CCSER1: variants seen among roughly 807,000 people sequenced by gnomAD.
The protein encoded by CCSER1 is coiled-coil serine rich protein 1.
CCSER1 carries 41 observed loss-of-function variants against 82.0 expected under a neutral mutation model. That is an observed-to-expected ratio of 0.50 (90% CI 0.39 to 0.65). The LOEUF (loss-of-function observed/expected upper bound fraction) is 0.65, where lower values mean the gene tolerates loss of function less well. CCSER1 is among the 30% of genes least tolerant of loss of function. The pLI is 0.00. For missense variants in CCSER1, 1,119 were observed against 1,064.2 expected, an observed-to-expected ratio of 1.05 and a Z score of -0.72; for synonymous variants, 414 against 383.9, an observed-to-expected ratio of 1.08 and a Z score of -0.92.
intron 3 of CCSER1, among the ~76,000 whole-genome samples, chr4:90,363,904 A>G (rs1384448652): frequency 1.3e-5 from 2 of 152,158 alleles, no homozygotes; most frequent in Admixed American, 1.3e-4. Context: ...TCTGTAATGT[A>G]AAGTGAATAT....
intron 10 of CCSER1, among the ~76,000 whole-genome samples, chr4:91,416,597 A>G (rs1753377459): frequency 6.6e-6 from 1 of 152,186 alleles, no homozygotes; most frequent in Non-Finnish European, 1.5e-5. Flanking sequence ...AAAACAAGCA[A>G]TGGGGAAAGG....
chr4:91,411,706 T>G (rs1265555779), intron 10 of CCSER1, among the ~76,000 whole-genome samples: 1 of 132,412 alleles, frequency 7.6e-6, no homozygotes, highest in African/African-American at 2.7e-5. Context: ...GGGTTTTCAT[T>G]TTTTTTTTTT....
intron 10 of CCSER1, among the ~76,000 whole-genome samples, chr4:91,262,972 C>T (rs746610443): frequency 6.6e-6 from 1 of 151,926 alleles, no homozygotes; most frequent in Non-Finnish European, 1.5e-5. Context: ...AGGTCTTCTC[C>T]AAATTATGTA....
intron 6 of CCSER1, among the ~76,000 whole-genome samples, chr4:90,673,141 A>C (rs1733127969): frequency 6.6e-6 from 1 of 152,020 alleles, no homozygotes; most frequent in Non-Finnish European, 1.5e-5. Flanking sequence ...ACAAACCTTC[A>C]ATTTGTAAAA....
chr4:90,359,913 A>G (rs28833868), intron 3 of CCSER1, among the ~76,000 whole-genome samples: 13 of 134,516 alleles, frequency 9.7e-5, no homozygotes, highest in African/African-American at 1.5e-4. Flanking sequence ...ATATATATAT[A>G]TGTATATAAT....
intron 6 of CCSER1, among the ~76,000 whole-genome samples, chr4:90,670,141 A>G (rs1732530577): frequency 6.6e-6 from 1 of 152,174 alleles, no homozygotes; most frequent in South Asian, 2.1e-4. Flanking sequence ...AGTTCTTTTA[A>G]TGAGATGGAA....
At chr4:90,579,240 G>A (rs1359021887) in intron 5 of CCSER1, among the ~76,000 whole-genome samples, 1 of 151,954 alleles carries the variant, frequency 6.6e-6, no homozygotes, top group Non-Finnish European at 1.5e-5. Context: ...ATATTTTCAA[G>A]GGCTTTGTTT....
intron 4 of CCSER1, among the ~76,000 whole-genome samples, chr4:90,421,711 T>C (rs987811218): frequency 6.6e-6 from 1 of 152,126 alleles, no homozygotes; most frequent in Non-Finnish European, 1.5e-5. Context: ...GGGAAAAACA[T>C]AAAAAGCATA....
chr4:90,971,231 G>C (rs1214314978), intron 9 of CCSER1, among the ~76,000 whole-genome samples: 1 of 151,924 alleles, frequency 6.6e-6, no homozygotes, highest in East Asian at 1.9e-4. Context: ...CATGGCTAGG[G>C]AGGCCTCAGG....
intron 10 of CCSER1, among the ~76,000 whole-genome samples, chr4:91,094,153 G>T (rs1724257511): frequency 6.6e-6 from 1 of 152,148 alleles, no homozygotes; most frequent in Non-Finnish European, 1.5e-5. Context: ...GCAGAAGATT[G>T]TCCACGTACT....
intron 6 of CCSER1, chr4:90,642,019 G>A (rs1354581578): frequency 1.1e-5 from 3 of 280,574 alleles, no homozygotes; most frequent in South Asian, 6.1e-5. Flanking sequence ...GGCTAAATCC[G>A]ACATTAAGAA....
At chr4:91,214,039 C>CT (rs1468146431) in intron 10 of CCSER1, among the ~76,000 whole-genome samples, 2 of 152,088 alleles carry the variant, frequency 1.3e-5, no homozygotes, top group African/African-American at 4.8e-5. Flanking sequence ...GAATAGGGGT[C>CT]TTTTCTCTGG....
At chr4:90,169,595 A>G (rs951202470) in intron 1 of CCSER1, among the ~76,000 whole-genome samples, 3 of 152,086 alleles carry the variant, frequency 2.0e-5, no homozygotes, top group Admixed American at 6.6e-5. Context: ...ACTCTCAGAA[A>G]GAAATAGAAT....
Position 91,020,297 on chromosome 4 carries a change from T to C in CCSER1, c.2173-65653T>C, listed in dbSNP as rs567845390. Among the ~76,000 whole-genome samples, 6 of 152,322 alleles carry C rather than the reference T, an allele frequency of 3.9e-5. No individual in the cohort carries two copies. The East Asian group carries it at 7.7e-4, about 20-fold the overall frequency. ...ATATGTACACTTATTTCTTGAATGATATGTTGCCCTTTGGTAAGTATTCTC... is the reference window on the plus strand; with the variant it reads ...ATATGTACACTTATTTCTTGAATGACATGTTGCCCTTTGGTAAGTATTCTC... On this transcript the variant is annotated intron_variant, in intron 9 of 10. Transcript: ENST00000509176.
rs57237158 is a variant in CCSER1, at chr4:91,328,965, C to T, written c.2217+242971C>T. ...CCCCTGCAAAAGCTCTCTTGCCTGC[C>T]GCCATGTAAGATGTGACTTTGCTCC... On this transcript the variant is annotated intron_variant, in intron 10 of 10. Transcript: ENST00000509176. Among the ~76,000 whole-genome samples, 1,351 of 151,688 alleles carry T rather than the reference C, an allele frequency of 8.9e-3. 27 individuals are homozygous for T. Among genetic ancestry groups the T allele is most frequent in the African/African-American group, 0.031 (1,260 of 41,184 alleles).
At chr4:91,084,245 A>T (rs1581514615) in intron 9 of CCSER1, among the ~76,000 whole-genome samples, 1 of 152,114 alleles carries the variant, frequency 6.6e-6, no homozygotes, top group Non-Finnish European at 1.5e-5. Context: ...AATTGATCTT[A>T]TATTTAGCTA....
intron 10 of CCSER1, among the ~76,000 whole-genome samples, chr4:91,354,252 A>T (rs1435565609): frequency 6.6e-6 from 1 of 152,198 alleles, no homozygotes; most frequent in African/African-American, 2.4e-5. Flanking sequence ...GGGACCATTT[A>T]TCATCTTTCC....
intron 1 of CCSER1, among the ~76,000 whole-genome samples, chr4:90,153,901 T>G (rs1164365082): frequency 2.6e-5 from 4 of 152,242 alleles, no homozygotes; most frequent in Non-Finnish European, 5.9e-5. Flanking sequence ...ATTTGTCAAT[T>G]TTGGCTTTTG....
intron 10 of CCSER1, among the ~76,000 whole-genome samples, chr4:91,124,048 T>C (rs1023530916): frequency 6.6e-6 from 1 of 151,768 alleles, no homozygotes; most frequent in Non-Finnish European, 1.5e-5. Context: ...CCTTATATGA[T>C]TGTATGTTTT....
Sources: gnomAD v4.1 joint callset for allele counts (sites outside exome capture counted in the v4.1 genomes callset) on GRCh38, gnomAD v4.1.1 for gene constraint, MANE v1.5 for transcripts, NCBI Gene and HGNC (gene_info 2026-07-23, HGNC 2026-07-21) for gene names.